RIMS2: variants seen among roughly 807,000 people sequenced by gnomAD.
RIMS2 encodes regulating synaptic membrane exocytosis protein 2.
RIMS2 carries 59 observed loss-of-function variants against 174.4 expected under a neutral mutation model. That is an observed-to-expected ratio of 0.34 (90% CI 0.27 to 0.42). The LOEUF is 0.42. Among genes scored for constraint, RIMS2 ranks in the 10% least tolerant of loss-of-function variants. The probability of loss-of-function intolerance (pLI) is 1.00; values close to 1 mark genes in which losing one functional copy is unlikely to be tolerated. For missense variants in RIMS2, 1,620 were observed against 1,666.3 expected (o/e 0.97, Z 0.48); for synonymous variants, 606 against 572.5 (o/e 1.06, Z -0.84).
chr8:103,745,500 G>A (rs1044063613), intron 2 of RIMS2, among the ~76,000 whole-genome samples: 3 of 152,014 alleles, frequency 2.0e-5, no homozygotes, highest in African/African-American at 7.2e-5. Flanking sequence ...GAATTCCTGG[G>A]TTATATGATA....
intron 2 of RIMS2, among the ~76,000 whole-genome samples, chr8:103,698,701 G>A (rs2097134822): frequency 6.6e-6 from 1 of 151,978 alleles, no homozygotes; most frequent in African/African-American, 2.4e-5. Context: ...GAACTCCTGG[G>A]CTCAAGTGTT....
At chr8:104,225,948 G>A (rs1039352812) in intron 19 of RIMS2, among the ~76,000 whole-genome samples, 1 of 152,046 alleles carries the variant, frequency 6.6e-6, no homozygotes, top group African/African-American at 2.4e-5. Flanking sequence ...TGAAAGTCCT[G>A]GAATTTTTAA....
chr8:103,883,260 A>G (rs944409013), intron 3 of RIMS2, among the ~76,000 whole-genome samples: 1 of 151,750 alleles, frequency 6.6e-6, no homozygotes, highest in Non-Finnish European at 1.5e-5. Context: ...TAAGGATTTA[A>G]TGGTTATATA....
At chr8:104,252,468 T>C (rs1203960589), downstream of RIMS2, 2 of 152,564 alleles carry the variant, frequency 1.3e-5, no homozygotes, top group Non-Finnish European at 2.9e-5. Flanking sequence ...AAAGAAACTT[T>C]TTTTGCATGG....
intron 2 of RIMS2, among the ~76,000 whole-genome samples, chr8:103,749,882 G>A (rs1270040502): frequency 1.3e-5 from 2 of 151,994 alleles, no homozygotes; most frequent in Non-Finnish European, 2.9e-5. Context: ...TTAGTCATTG[G>A]GAAGCATTTG....
intron 2 of RIMS2, among the ~76,000 whole-genome samples, chr8:103,709,810 T>C (rs1054688083): frequency 6.6e-6 from 1 of 152,148 alleles, no homozygotes; most frequent in African/African-American, 2.4e-5. Flanking sequence ...ATCAACTCTG[T>C]CTCTTTATAT....
intron 19 of RIMS2, among the ~76,000 whole-genome samples, chr8:104,048,591 A>G (rs995318314): frequency 3.3e-5 from 5 of 152,200 alleles, no homozygotes; most frequent in Non-Finnish European, 7.4e-5. Context: ...TATGTATGAT[A>G]TGTTCACTAA....
chr8:103,964,740 A>G (rs1173444488), intron 15 of RIMS2, among the ~76,000 whole-genome samples: 1 of 152,162 alleles, frequency 6.6e-6, no homozygotes, highest in Non-Finnish European at 1.5e-5. Flanking sequence ...ATTTATTGCC[A>G]TACCCAAGGT....
chr8:103,822,955 A>G (rs1564769967), intron 3 of RIMS2, among the ~76,000 whole-genome samples: 1 of 151,900 alleles, frequency 6.6e-6, no homozygotes, highest in Non-Finnish European at 1.5e-5. Flanking sequence ...TAGAAGATAT[A>G]TTTTTTAGCA....
chr8:104,016,328 G>A (rs548793488), intron 19 of RIMS2, among the ~76,000 whole-genome samples: 3 of 152,048 alleles, frequency 2.0e-5, no homozygotes, highest in Non-Finnish European at 2.9e-5. Flanking sequence ...TATTAAATTC[G>A]TATTTCTGTA....
rs1158349749 is a variant in RIMS2, at chr8:103,599,734, G to A, written c.177-97352G>A. On this transcript the variant is annotated intron_variant, in intron 1 of 23. Transcript: ENST00000504942. ...TGAAGTGCTGGGATTACAGGCATGA[G>A]CCACTGTACCTGGTCATTTTTTTAA... 3.3e-5 allele frequency among the ~76,000 whole-genome samples: 5 copies of A among 151,986 alleles called. No homozygotes were observed. The South Asian group carries it at 6.2e-4, about 19-fold the overall frequency.
chr8:103,916,195 A>G (rs1255785431), intron 7 of RIMS2, among the ~76,000 whole-genome samples: 3 of 152,044 alleles, frequency 2.0e-5, no homozygotes, highest in African/African-American at 7.2e-5. Context: ...GATAATGTTT[A>G]CATAATTTTT....
chr8:103,568,322 G>A (rs1052310930), intron 1 of RIMS2, among the ~76,000 whole-genome samples: 14 of 151,872 alleles, frequency 9.2e-5, no homozygotes, highest in African/African-American at 3.4e-4. Flanking sequence ...ATAAAATAAA[G>A]TAAAATAAAT....
chr8:103,719,997 A>G (rs1208284860), intron 2 of RIMS2, among the ~76,000 whole-genome samples: 1 of 152,202 alleles, frequency 6.6e-6, no homozygotes, highest in African/African-American at 2.4e-5. Flanking sequence ...ACAACACTAG[A>G]TAAAAAGTTC....
chr8:103,943,944 G>A (rs996149048), intron 14 of RIMS2, among the ~76,000 whole-genome samples: 2 of 152,044 alleles, frequency 1.3e-5, no homozygotes, highest in Middle Eastern at 3.2e-3. Flanking sequence ...AATGAGTATT[G>A]TGTATATGGA....
At chr8:103,937,966 A>G (rs1053574830) in intron 13 of RIMS2, among the ~76,000 whole-genome samples, 1 of 152,182 alleles carries the variant, frequency 6.6e-6, no homozygotes, top group African/African-American at 2.4e-5. Context: ...CTTCTGCCTC[A>G]GCTTCCCAAG....
chr8:103,790,182 C>G (rs1457163517), intron 3 of RIMS2, among the ~76,000 whole-genome samples: 2 of 152,174 alleles, frequency 1.3e-5, no homozygotes, highest in East Asian at 3.8e-4. Flanking sequence ...TTGAAGTTGT[C>G]CAACTATTAC....
chr8:103,763,963 A>T (rs1035339965), intron 2 of RIMS2, among the ~76,000 whole-genome samples: 8 of 152,196 alleles, frequency 5.3e-5, no homozygotes, highest in African/African-American at 1.9e-4. Flanking sequence ...TGGTTCTCAA[A>T]TGTTAGCAAA....
chr8:103,587,186 A>G (rs888079758), intron 1 of RIMS2, among the ~76,000 whole-genome samples: 5 of 152,062 alleles, frequency 3.3e-5, no homozygotes, highest in Non-Finnish European at 4.4e-5. Flanking sequence ...CAGACCAATA[A>G]CAAGTATGAG....
Sources: gnomAD v4.1 joint callset for allele counts (sites outside exome capture counted in the v4.1 genomes callset) on GRCh38, gnomAD v4.1.1 for gene constraint, MANE v1.5 for transcripts, NCBI Gene and HGNC (gene_info 2026-07-23, HGNC 2026-07-21) for gene names.